The following TMEM156 variants were observed in gnomAD, a reference collection of about 807,000 sequenced individuals.
TMEM156 encodes transmembrane protein 156.
Under a neutral mutation model 30.5 loss-of-function variants are expected in TMEM156, and 28 were observed. That is an observed-to-expected ratio of 0.92 (90% CI 0.68 to 1.26). TMEM156 has a LOEUF of 1.26. Among genes scored for constraint, TMEM156 ranks in the 50% most tolerant of loss-of-function variants. The pLI is 0.00. For synonymous variants in TMEM156, 137 were observed against 119.9 expected, an observed-to-expected ratio of 1.14 and a Z score of -0.93; for missense variants, 351 against 340.6, an observed-to-expected ratio of 1.03 and a Z score of -0.24.
At chr4:38,986,211 G>C in intron 5 of TMEM156, 125 bp downstream of exon 5, 1 of 682,234 alleles carries the variant, frequency 1.5e-6, no homozygotes, top group Non-Finnish European at 2.6e-6. Context: ...CCACAGCTCT[G>C]TTATTCCAGA....
chr4:38,986,291 T>C (rs764318592), intron 5 of TMEM156, 45 bp downstream of exon 5: 1 of 1,368,334 alleles, frequency 7.3e-7, no homozygotes, highest in South Asian at 1.2e-5. Flanking sequence ...CATGCAGCTT[T>C]GGAATTTCCT....
At position 38,971,124 on chromosome 4, in the gene TMEM156, C is replaced by G; in HGVS notation, c.837G>C (p.Gln279His). The G allele has an allele frequency of 6.2e-7, 1 of 1,614,002 alleles. No individual in the cohort carries two copies. The change falls in exon 6 of 7, where the codon CAG becomes CAC. Residue 279 changes from glutamine (Q) to histidine (H), a missense_variant. Gln to His is a conservative substitution (Grantham distance 24, BLOSUM62 0). Coordinates refer to ENST00000381938, the MANE Select transcript of TMEM156 (RefSeq NM_024943.3). Reference sequence around the variant, plus strand: ...CCTGGACTTGATCCAAAGGCAGCCTCTGCGTGGTCTCTGCTATTTAAGAAG... The same window carrying G: ...CCTGGACTTGATCCAAAGGCAGCCTGTGCGTGGTCTCTGCTATTTAAGAAG... Reference protein sequence around the residue: ...NVQVLSAETTQRLPLDQVQEV... With the variant: ...NVQVLSAETTHRLPLDQVQEV...
intron 5 of TMEM156, among the ~76,000 whole-genome samples, chr4:38,971,688 C>T (rs1018514697): frequency 6.6e-6 from 1 of 152,128 alleles, no homozygotes; most frequent in Non-Finnish European, 1.5e-5. Context: ...CTAAGATCCA[C>T]GGTCTTGTTT....
At chr4:39,005,078 C>T (rs554110972) in intron 1 of TMEM156, among the ~76,000 whole-genome samples, 1 of 152,088 alleles carries the variant, frequency 6.6e-6, no homozygotes, top group African/African-American at 2.4e-5. Flanking sequence ...CAAGCAACAG[C>T]GTGGATGAAT....
At chr4:39,015,057 G>A (rs770042932) in intron 1 of TMEM156, among the ~76,000 whole-genome samples, 3 of 152,072 alleles carry the variant, frequency 2.0e-5, no homozygotes, top group Non-Finnish European at 2.9e-5. Context: ...CTAGATATGT[G>A]TCTTTGTGTT....
intron 1 of TMEM156, among the ~76,000 whole-genome samples, chr4:39,001,529 GA>G (rs1713359868): frequency 6.8e-6 from 1 of 147,388 alleles, no homozygotes; most frequent in African/African-American, 2.5e-5. Flanking sequence ...CACAATGAAA[GA>G]ATTACTTCTT....
At chr4:38,979,165 G>A (rs1723054554) in intron 5 of TMEM156, among the ~76,000 whole-genome samples, 1 of 152,222 alleles carries the variant, frequency 6.6e-6, no homozygotes, top group Non-Finnish European at 1.5e-5. Flanking sequence ...CCTTCTTGAT[G>A]TGCTGCCATT....
Position 38,981,240 on chromosome 4 carries a change from C to G in TMEM156, c.823+5096G>C, listed in dbSNP as rs116662054. Among the ~76,000 whole-genome samples the G allele has an allele frequency of 8.5e-3, 1,292 of 152,258 alleles. 16 individuals are homozygous for G. Among genetic ancestry groups the G allele is most frequent in the African/African-American group, 0.029 (1,222 of 41,544 alleles). On this transcript the variant is annotated intron_variant, in intron 5 of 6. Coordinates refer to ENST00000381938, the MANE Select transcript of TMEM156 (RefSeq NM_024943.3). Reference sequence around the variant, plus strand: ...TTATTATAGCGGCCATAAACATGTTCCAAATTATAATTTTACATTGCCATT... The same window carrying G: ...TTATTATAGCGGCCATAAACATGTTGCAAATTATAATTTTACATTGCCATT...
chr4:38,967,812 C>A (rs561581430), intron 6 of TMEM156, among the ~76,000 whole-genome samples, 171 bp from the exon 7 acceptor site: 60 of 152,308 alleles, frequency 3.9e-4, no homozygotes, highest in Middle Eastern at 3.4e-3. Flanking sequence ...TTCAGGGCAA[C>A]CTGACCGCCT....
chr4:39,006,650 C>T (rs1047041587), intron 1 of TMEM156, among the ~76,000 whole-genome samples: 1 of 152,136 alleles, frequency 6.6e-6, no homozygotes, highest in Non-Finnish European at 1.5e-5. Context: ...GGCACAGTGG[C>T]TCATGCCTGT....
intron 1 of TMEM156, among the ~76,000 whole-genome samples, chr4:39,023,068 A>C (rs9991359): frequency 6.6e-6 from 1 of 152,190 alleles, no homozygotes; most frequent in Non-Finnish European, 1.5e-5. Flanking sequence ...TAATTAGGTC[A>C]TGAGAGTGGA....
intron 5 of TMEM156, among the ~76,000 whole-genome samples, chr4:38,977,754 T>A (rs549020778): frequency 2.0e-5 from 3 of 152,210 alleles, no homozygotes; most frequent in Admixed American, 6.5e-5. Flanking sequence ...CTTAAAAAAA[T>A]TTTTTTAAAT....
intron 5 of TMEM156, among the ~76,000 whole-genome samples, chr4:38,973,153 A>G (rs1722690832): frequency 6.6e-6 from 1 of 152,168 alleles, no homozygotes. Context: ...AATACCAGTC[A>G]GTTTGTAATC....
chr4:39,001,467 A>G (rs1421342481), intron 1 of TMEM156, among the ~76,000 whole-genome samples: 2 of 151,536 alleles, frequency 1.3e-5, no homozygotes, highest in Non-Finnish European at 2.9e-5. Context: ...ACCATTTCTC[A>G]TATAATCATT....
At chr4:39,030,381 C>T (rs1715443962) in intron 1 of TMEM156, among the ~76,000 whole-genome samples, 1 of 152,038 alleles carries the variant, frequency 6.6e-6, no homozygotes, top group African/African-American at 2.4e-5. Context: ...TGAAGAAGAA[C>T]TGACACATTA....
At chr4:38,974,075 G>GTGTT (rs1722733422) in intron 5 of TMEM156, among the ~76,000 whole-genome samples, 2 of 151,634 alleles carry the variant, frequency 1.3e-5, no homozygotes, top group East Asian at 3.9e-4. Context: ...GTGTGTGTGT[G>GTGTT]TGTGTGTGTA....
chr4:39,001,214 CAAAAAAA>C (rs34945666), intron 1 of TMEM156, among the ~76,000 whole-genome samples: 3 of 115,096 alleles, frequency 2.6e-5, no homozygotes, highest in African/African-American at 3.6e-5. Flanking sequence ...ACTAAAAATA[CAAAAAAA>C]AAAAAAAAAG....
intron 6 of TMEM156, among the ~76,000 whole-genome samples, chr4:38,969,311 C>T (rs1278840984): frequency 2.0e-5 from 3 of 152,204 alleles, no homozygotes; most frequent in Admixed American, 6.5e-5. Context: ...TTAGCTCTCA[C>T]CTACAAGTGG....
intron 5 of TMEM156, 74 bp downstream of exon 5, chr4:38,986,262 G>C: frequency 9.7e-7 from 1 of 1,026,324 alleles, no homozygotes; most frequent in Non-Finnish European, 1.5e-6. Flanking sequence ...CAGATCTTGA[G>C]TTTACTGTGT....
Sources: allele counts gnomAD v4.1 joint callset (sites outside exome capture counted in the v4.1 genomes callset), GRCh38; gene constraint gnomAD v4.1.1; transcripts MANE v1.5; gene names NCBI Gene and HGNC (gene_info 2026-07-23, HGNC 2026-07-21).